The following HSBP1 variants were observed in gnomAD, a reference collection of about 807,000 sequenced individuals.
HSBP1 encodes heat shock factor-binding protein 1.
In HSBP1, 5 loss-of-function variants were observed where a neutral mutation model predicts 9.6. That is an observed-to-expected ratio of 0.52 (90% CI 0.27 to 1.09). HSBP1 has a LOEUF of 1.09. Among genes scored for constraint, HSBP1 ranks in the 50% least tolerant of loss-of-function variants. HSBP1 has a pLI of 0.11. For synonymous variants in HSBP1, 42 were observed against 33.3 expected, an observed-to-expected ratio of 1.26 and a Z score of -0.90; for missense variants, 121 against 96.3, an observed-to-expected ratio of 1.26 and a Z score of -1.07.
At chr16:83,810,321 T>G (rs1165152577) in intron 3 of HSBP1, among the ~76,000 whole-genome samples, 1 of 152,088 alleles carries the variant, frequency 6.6e-6, no homozygotes, top group Non-Finnish European at 1.5e-5. Context: ...GATAGGTAAA[T>G]GTACAGAATC....
chr16:83,810,727 C>A (rs1210682624), intron 3 of HSBP1, among the ~76,000 whole-genome samples: 1 of 149,092 alleles, frequency 6.7e-6, no homozygotes, highest in Admixed American at 6.7e-5. Flanking sequence ...ACTTGGCAGA[C>A]TGAGACAGGA....
At chr16:83,808,462 A>C (rs1360833288) in intron 1 of HSBP1, 5 of 580,812 alleles carry the variant, frequency 8.6e-6, no homozygotes, top group African/African-American at 3.8e-5. Context: ...CAACCTAAAG[A>C]CCCTGAGCTT....
At chr16:83,808,210 C>A in intron 1 of HSBP1, 89 bp downstream of exon 1, 2 of 1,135,942 alleles carry the variant, frequency 1.8e-6, no homozygotes, top group Non-Finnish European at 1.2e-6. Context: ...CCCACCGCGG[C>A]CGCGCGTGGC....
intron 1 of HSBP1, chr16:83,808,333 C>A (rs1156891802): frequency 3.6e-6 from 2 of 555,374 alleles, no homozygotes; most frequent in Non-Finnish European, 6.3e-6. Context: ...AAGCCCGACC[C>A]CTTCCAGTAG....
In HSBP1 at chr16:83,808,839, T is replaced by G. The variant is rs1337903225; in HGVS notation, c.112+93T>G. The G allele has an allele frequency of 4.6e-6, 4 of 868,408 alleles. No individual in the cohort carries two copies. In the African/African-American group the frequency reaches 5.0e-5, roughly 11 times the overall value. The allele number at this position is 868,408 out of a possible 1,614,324, so 53.8% of individuals were successfully genotyped here. A position where few individuals can be genotyped will look rare whatever the true frequency, so the allele number is the denominator to read the frequency against. On this transcript the variant is annotated intron_variant, in intron 2 of 3. Coordinates refer to ENST00000433866, the MANE Select transcript of HSBP1 (RefSeq NM_001537.4). The stretch of plus-strand genomic sequence containing the variant: ...ATAAATGAGTAGTTTTCAGGCTAGC[T>G]TCAGCCATTCACTTGTAGAATTTGA...
At position 83,811,698 on chromosome 16, in the gene HSBP1, T is replaced by C. The variant is rs1904605015; in HGVS notation, c.*280T>C. 6.6e-6 allele frequency: 1 copy of C among 152,248 alleles called. No homozygotes were observed. The highest frequency in any genetic ancestry group is 6.5e-5 in the Admixed American group (1 of 15,290). The allele number at this position is 152,248 out of a possible 1,614,324, so 9.4% of individuals were successfully genotyped here. ...TGTCAGATTTTTTAGTGTATTTCTG[T>C]GAAGTCATTTTTTTTCTTGTCATTC... On this transcript the variant is annotated 3_prime_UTR_variant, in exon 4 of 4. Coordinates refer to ENST00000433866, the MANE Select transcript of HSBP1 (RefSeq NM_001537.4).
At position 83,808,073 on chromosome 16, in the gene HSBP1, G is replaced by A. The variant is rs753772012; in HGVS notation, c.-4G>A. On this transcript the variant is annotated 5_prime_UTR_variant, in exon 1 of 4. Transcript: ENST00000433866. ...ACATCACCGCCAAGCTGGGCATCGG[G>A]GAGATGGCCGAGACTGACCCCAAGA... The A allele has an allele frequency of 1.3e-6, 2 of 1,544,740 alleles. No homozygotes were observed. Among genetic ancestry groups the A allele is most frequent in the South Asian group, 1.2e-5 (1 of 83,902 alleles).
chr16:83,811,370 C>G (rs937690149), intron 3 of HSBP1, 51 bp from the exon 4 acceptor site: 3 of 152,212 alleles, frequency 2.0e-5, no homozygotes, highest in African/African-American at 7.2e-5. Context: ...GTCATTTTTA[C>G]TTGTGCTCAT....
intron 3 of HSBP1, among the ~76,000 whole-genome samples, chr16:83,810,548 A>G (rs1904578007): frequency 1.7e-5 from 2 of 117,598 alleles, no homozygotes; most frequent in South Asian, 5.8e-4. Context: ...AAAAAAAGGT[A>G]CTGGTGCGTG....
At chr16:83,809,221 G>C in intron 2 of HSBP1, 84 bp from the exon 3 acceptor site, 2 of 832,050 alleles carry the variant, frequency 2.4e-6, no homozygotes, top group Admixed American at 4.9e-5. Context: ...CCCTAAAGTC[G>C]TTGTGTTTAA....
Position 83,815,513 on chromosome 16 carries a change from A to G in HSBP1, c.*4095A>G, listed in dbSNP as rs1904699536. ...GGTGACAGAGCAAGACCCTGTCTCA[A>G]AAAAAAAAAAAAAGGGCGGATCCTA... is the stretch of plus-strand genomic sequence containing the variant. On this transcript the variant is annotated 3_prime_UTR_variant, in exon 4 of 4. Transcript: ENST00000433866. The G allele has an allele frequency of 6.7e-6, 1 of 148,590 alleles. No individual in the cohort carries two copies. The highest frequency in any genetic ancestry group is 2.1e-4 in the South Asian group (1 of 4,714). 9.2% of individuals were successfully genotyped at this position (148,590 alleles called of 1,614,324 possible).
chr16:83,808,995 C>G (rs1904532308), intron 2 of HSBP1: 1 of 551,876 alleles, frequency 1.8e-6, no homozygotes, highest in South Asian at 2.5e-5. Flanking sequence ...GCACTGTGAA[C>G]TAAGCGCTTT....
intron 1 of HSBP1, 76 bp downstream of exon 1, chr16:83,808,197 G>T: frequency 1.6e-6 from 2 of 1,253,456 alleles, no homozygotes; most frequent in South Asian, 2.9e-5. Context: ...GGACAGAGGC[G>T]CGCCCACCGC....
At chr16:83,809,234 C>T in intron 2 of HSBP1, 71 bp from the exon 3 acceptor site, 1 of 949,076 alleles carries the variant, frequency 1.1e-6, no homozygotes, top group African/African-American at 1.6e-5. Flanking sequence ...GTGTTTAAGG[C>T]TGTAGTCTGC....
At chr16:83,808,203 A>T (rs979309449) in intron 1 of HSBP1, 82 bp downstream of exon 1, 20 of 1,217,844 alleles carry the variant, frequency 1.6e-5, no homozygotes, top group Non-Finnish European at 2.3e-5. Flanking sequence ...AGGCGCGCCC[A>T]CCGCGGCCGC....
Position 83,812,038 on chromosome 16 carries a change from A to G in HSBP1, c.*620A>G, listed in dbSNP as rs1483670079. ...ATGCTAAAGTCGATGAAAAGTAACCACTGCCACTGTCTTGTGTCAGAACTT... is the reference window on the plus strand; with the variant it reads ...ATGCTAAAGTCGATGAAAAGTAACCGCTGCCACTGTCTTGTGTCAGAACTT... On this transcript the variant is annotated 3_prime_UTR_variant, in exon 4 of 4. Transcript: ENST00000433866. 1 of 152,660 alleles carries G rather than the reference A, an allele frequency of 6.6e-6. No homozygotes were observed. The allele number at this position is 152,660 out of a possible 1,614,324, so 9.5% of individuals were successfully genotyped here. A position where few individuals can be genotyped will look rare whatever the true frequency, so the allele number is the denominator to read the frequency against.
Position 83,807,998 on chromosome 16 carries a change from C to A in HSBP1, c.-79C>A. On this transcript the variant is annotated 5_prime_UTR_variant, in exon 1 of 4. Coordinates refer to ENST00000433866, the MANE Select transcript of HSBP1 (RefSeq NM_001537.4). ...CTGCCAGTCTCGTCGCGAGAAGCAG[C>A]GGCCCGGGGCGACTGAGCGGACAAA... is the stretch of plus-strand genomic sequence containing the variant. 2.3e-6 allele frequency: 3 copies of A among 1,294,086 alleles called. No homozygotes were observed. Among genetic ancestry groups the A allele is most frequent in the Non-Finnish European group, 3.2e-6 (3 of 949,438 alleles). The allele number at this position is 1,294,086 out of a possible 1,614,324, so 80.2% of individuals were successfully genotyped here.
In HSBP1 at chr16:83,819,368, G is replaced by C. The variant is rs1904790022; in HGVS notation, c.*7950G>C. The C allele has an allele frequency of 6.6e-6, 1 of 152,116 alleles. No individual in the cohort carries two copies. The highest frequency in any genetic ancestry group is 2.4e-5 in the African/African-American group (1 of 41,406). The allele number at this position is 152,116 out of a possible 1,614,324, so 9.4% of individuals were successfully genotyped here. On this transcript the variant is annotated 3_prime_UTR_variant, in exon 4 of 4. Coordinates refer to ENST00000433866, the MANE Select transcript of HSBP1 (RefSeq NM_001537.4). ...CGATGCTCCCATGCTGGGAGTCTCA[G>C]GCCTGGGCTAGTCCTAAAATAATTG...
chr16:83,817,521 A>G lies in HSBP1; in HGVS notation c.*6103A>G, dbSNP rs1288007901. The G allele has an allele frequency of 1.3e-5, 2 of 152,200 alleles. No homozygotes were observed. The highest frequency in any genetic ancestry group is 2.9e-5 in the Non-Finnish European group (2 of 68,040). The allele number at this position is 152,200 out of a possible 1,614,324, so 9.4% of individuals were successfully genotyped here. On this transcript the variant is annotated 3_prime_UTR_variant, in exon 4 of 4. Transcript: ENST00000433866. Reference sequence around the variant, plus strand: ...TCTCGAAAGCTGTTGACATTATCAAAAAGTTTTCCAGCTGGAATTCATCTC... The same window carrying G: ...TCTCGAAAGCTGTTGACATTATCAAGAAGTTTTCCAGCTGGAATTCATCTC...
Sources: allele counts gnomAD v4.1 joint callset (sites outside exome capture counted in the v4.1 genomes callset), GRCh38; gene constraint gnomAD v4.1.1; transcripts MANE v1.5; gene names NCBI Gene and HGNC (gene_info 2026-07-23, HGNC 2026-07-21).